The following TSHZ1 variants were observed in gnomAD, a reference collection of about 807,000 sequenced individuals.
TSHZ1 encodes teashirt homolog 1.
Under a neutral mutation model 67.1 loss-of-function variants are expected in TSHZ1, and 12 were observed. The observed-to-expected ratio is 0.18, with a 90% CI of 0.11 to 0.29. The LOEUF (loss-of-function observed/expected upper bound fraction) is 0.29. Among genes scored for constraint, TSHZ1 ranks in the 10% least tolerant of loss-of-function variants. The pLI is 1.00. For synonymous variants in TSHZ1, 632 were observed against 622.4 expected (o/e 1.02, Z -0.23); for missense variants, 1,305 against 1,413.9 (o/e 0.92, Z 1.23).
chr18:75,224,049 A>T (rs1374236242), intron 1 of TSHZ1, among the ~76,000 whole-genome samples: 2 of 123,014 alleles, frequency 1.6e-5, no homozygotes, highest in African/African-American at 6.2e-5. Context: ...GAAAGACTTC[A>T]GTTTAAACTT....
intron 1 of TSHZ1, among the ~76,000 whole-genome samples, chr18:75,243,775 A>AT (rs2023187706): frequency 6.6e-6 from 1 of 152,152 alleles, no homozygotes; most frequent in Non-Finnish European, 1.5e-5. Flanking sequence ...AGAGTCCAAC[A>AT]TTTTTTTATG....
Position 75,285,696 on chromosome 18 carries a change from A to G in TSHZ1, c.289A>G (p.Lys97Glu), listed in dbSNP as rs766523765. The G allele has an allele frequency of 3.1e-6, 5 of 1,614,106 alleles. No individual in the cohort carries two copies. Among genetic ancestry groups the G allele is most frequent in the East Asian group, 2.2e-5 (1 of 44,882 alleles). ...CAAAGGCTCTTCCTCTCGAGAAGAG[A>G]AGGAGGATCCGCAGTGTCCCGACAG... The part of the protein sequence containing the change: ...HFKGSSSREE[K>E]EDPQCPDSVS... Residue 97 changes from lysine (K) to glutamate (E), a missense_variant, in exon 2 of 2, where the codon AAG becomes GAG. Around this residue, in one of 3 missense-constraint regions of TSHZ1, gnomAD observed 358 missense variants for 375.6 expected, o/e 0.95. Transcript: ENST00000580243.
chr18:75,235,256 T>C (rs1030123297), intron 1 of TSHZ1, among the ~76,000 whole-genome samples: 3 of 152,334 alleles, frequency 2.0e-5, no homozygotes, highest in South Asian at 4.1e-4. Context: ...TCCTGACATG[T>C]GGCGTTGGGT....
In TSHZ1 at chr18:75,288,912, A is replaced by G. The variant is rs1480371512; in HGVS notation, c.*271A>G. ...TTTGTAGGAAATAGTGGGGCACACT[A>G]CTCAGAGACATTATTTAGCAGTAAA... On this transcript the variant is annotated 3_prime_UTR_variant, in exon 2 of 2. Coordinates refer to ENST00000580243, the MANE Select transcript of TSHZ1 (RefSeq NM_001308210.2). The surrounding 1 kb of genome is among the most constrained non-coding windows in gnomAD (Gnocchi z 4.9). The G allele has an allele frequency of 3.0e-6, 1 of 334,000 alleles. No individual in the cohort carries two copies. Among genetic ancestry groups the G allele is most frequent in the Non-Finnish European group, 5.6e-6 (1 of 178,336 alleles). 20.7% of individuals were successfully genotyped at this position (334,000 alleles called of 1,614,324 possible).
At position 75,280,103 on chromosome 18, in the gene TSHZ1, G is replaced by A. The variant is rs1157158455; in HGVS notation, c.41-5345G>A. Among the ~76,000 whole-genome samples, 2 of 152,116 alleles carry A rather than the reference G, an allele frequency of 1.3e-5. 1 individual carries two copies. The highest frequency in any genetic ancestry group is 2.9e-5 in the Non-Finnish European group (2 of 68,024). On this transcript the variant is annotated intron_variant, in intron 1 of 1. Transcript: ENST00000580243. ...TTGTCTTCTGCTTTTTTCATTTAAT[G>A]ATTTTCTCCATGTCATTAAAACATA...
At chr18:75,267,075 C>T (rs560540867) in intron 1 of TSHZ1, among the ~76,000 whole-genome samples, 21 of 152,254 alleles carry the variant, frequency 1.4e-4, no homozygotes, top group Admixed American at 3.3e-4. Context: ...CTGAAAATTG[C>T]TTTATTTCCT....
At chr18:75,218,178 G>A (rs925666149) in intron 1 of TSHZ1, among the ~76,000 whole-genome samples, 1 of 152,230 alleles carries the variant, frequency 6.6e-6, no homozygotes, top group African/African-American at 2.4e-5. Flanking sequence ...TGCATAGGAA[G>A]GGTATTAAAG....
Position 75,288,734 on chromosome 18 carries a change from T to G in TSHZ1, c.*93T>G. Reference sequence around the variant, plus strand: ...GAGCCTCTGAAATCAGTCTTTCCTTTGTTGCTGGCCCGCCTCTCTGGACCT... The same window carrying G: ...GAGCCTCTGAAATCAGTCTTTCCTTGGTTGCTGGCCCGCCTCTCTGGACCT... On this transcript the variant is annotated 3_prime_UTR_variant, in exon 2 of 2. Coordinates refer to ENST00000580243, the MANE Select transcript of TSHZ1 (RefSeq NM_001308210.2). This position sits in a 1 kb window ranked among gnomAD's most constrained non-coding sequence, Gnocchi z 4.9. 4.7e-6 allele frequency: 7 copies of G among 1,502,346 alleles called. No homozygotes were observed. Among genetic ancestry groups the G allele is most frequent in the Non-Finnish European group, 6.2e-6 (7 of 1,128,920 alleles). 93.1% of individuals were successfully genotyped at this position (1,502,346 alleles called of 1,614,324 possible).
chr18:75,242,411 G>C (rs1206821182), intron 1 of TSHZ1, among the ~76,000 whole-genome samples: 1 of 152,126 alleles, frequency 6.6e-6, no homozygotes, highest in Non-Finnish European at 1.5e-5. Flanking sequence ...AGGTGGGGAG[G>C]GTGGCACAAA....
chr18:75,268,981 T>C (rs1157185503), intron 1 of TSHZ1, among the ~76,000 whole-genome samples: 2 of 152,196 alleles, frequency 1.3e-5, no homozygotes, highest in Non-Finnish European at 2.9e-5. Context: ...CCTTCAGAAC[T>C]TGGGAAGAAC....
intron 1 of TSHZ1, among the ~76,000 whole-genome samples, chr18:75,274,968 C>T (rs1036889163): frequency 6.6e-6 from 1 of 152,182 alleles, no homozygotes; most frequent in African/African-American, 2.4e-5. Context: ...GATGTGTTAG[C>T]TCATGGTTCA....
chr18:75,215,453 C>T (rs996365716), intron 1 of TSHZ1, among the ~76,000 whole-genome samples: 1 of 152,098 alleles, frequency 6.6e-6, no homozygotes, highest in African/African-American at 2.4e-5. Context: ...GGCACACACA[C>T]ACAAAGAAAA....
At chr18:75,237,899 G>A (rs28664778) in intron 1 of TSHZ1, among the ~76,000 whole-genome samples, 5,971 of 151,890 alleles carry the variant, frequency 0.039, 158 homozygotes, top group African/African-American at 0.079. Context: ...TGCAACCTCC[G>A]CCTCCTGGGT....
chr18:75,251,493 G>GGTT (rs777776955), intron 1 of TSHZ1, among the ~76,000 whole-genome samples: 4 of 139,430 alleles, frequency 2.9e-5, no homozygotes, highest in South Asian at 2.2e-4. Flanking sequence ...TTTCTTTAGG[G>GGTT]TTTTTTTTTT....
intron 1 of TSHZ1, among the ~76,000 whole-genome samples, chr18:75,240,188 G>A (rs1251074249): frequency 6.6e-6 from 1 of 152,186 alleles, no homozygotes; most frequent in Non-Finnish European, 1.5e-5. Flanking sequence ...GCTAAAATTT[G>A]CTTACCGTTG....
At chr18:75,237,787 C>CATTTA (rs1163060518) in intron 1 of TSHZ1, among the ~76,000 whole-genome samples, 2,302 of 104,226 alleles carry the variant, frequency 0.022, 26 homozygotes, top group Middle Eastern at 0.099. Flanking sequence ...AGCCTTCTTT[C>CATTTA]TTTCATTTAT....
intron 1 of TSHZ1, chr18:75,284,763 G>C (rs541594030): frequency 6.6e-6 from 1 of 152,254 alleles, no homozygotes; most frequent in South Asian, 2.1e-4. Context: ...GCCACACCGC[G>C]TTCATCCCTC....
intron 1 of TSHZ1, among the ~76,000 whole-genome samples, chr18:75,225,411 G>C (rs57551687): frequency 6.6e-6 from 1 of 152,246 alleles, no homozygotes; most frequent in East Asian, 1.9e-4. Context: ...AGATGTGATC[G>C]CTTCTGTCCG....
At chr18:75,253,724 G>T (rs2023331371) in intron 1 of TSHZ1, among the ~76,000 whole-genome samples, 1 of 152,206 alleles carries the variant, frequency 6.6e-6, no homozygotes, top group Non-Finnish European at 1.5e-5. Flanking sequence ...AGTAAAAATT[G>T]CCCACTGGAT....
Sources: gnomAD v4.1 joint callset for allele counts (sites outside exome capture counted in the v4.1 genomes callset) on GRCh38, gnomAD v4.1.1 for gene constraint, gnomAD v4.1.1 regional missense constraint, Gnocchi (gnomAD v3.1) non-coding constraint, MANE v1.5 for transcripts, NCBI Gene and HGNC (gene_info 2026-07-23, HGNC 2026-07-21) for gene names.